Variants in WWC1 observed in about 807,000 individuals in gnomAD.
WWC1 encodes the protein protein KIBRA.
Under a neutral mutation model 138.4 loss-of-function variants are expected in WWC1, and 55 were observed. The observed-to-expected ratio is 0.40, with a 90% confidence interval of 0.32 to 0.50. The LOEUF (loss-of-function observed/expected upper bound fraction) is 0.50. WWC1 is among the 20% of genes least tolerant of loss of function. The pLI is 0.72. For missense variants in WWC1, 1,226 were observed against 1,420.4 expected (o/e 0.86, Z 2.20); for synonymous variants, 524 against 564.9 (o/e 0.93, Z 1.03).
At chr5:168,414,674 G>T in intron 9 of WWC1, 84 bp downstream of exon 9, 1 of 1,458,868 alleles carries the variant, frequency 6.9e-7, no homozygotes, top group South Asian at 1.5e-5. Flanking sequence ...AGAATGAGGG[G>T]GCTCCGGGCC....
intron 1 of WWC1, among the ~76,000 whole-genome samples, chr5:168,337,915 G>C (rs1288020080): frequency 2.0e-5 from 3 of 152,184 alleles, no homozygotes; most frequent in Admixed American, 1.3e-4. Context: ...TAGGGATGAG[G>C]AGAGAAAGAA....
intron 1 of WWC1, among the ~76,000 whole-genome samples, chr5:168,330,524 A>G (rs906503325): frequency 6.6e-6 from 1 of 152,100 alleles, no homozygotes. Flanking sequence ...TGAGGTCACT[A>G]TTGTTACCCC....
rs1209939635 is a variant in WWC1, at chr5:168,292,200, C to T, written c.48C>T (p.Arg16=). 6.4e-7 allele frequency: 1 copy of T among 1,559,508 alleles called. No homozygotes were observed. Among genetic ancestry groups the T allele is most frequent in the Non-Finnish European group, 8.7e-7 (1 of 1,152,220 alleles). ...LPLPEGWEEA[R]DFDGKVYYID... ...TGCCGGAGGGCTGGGAGGAGGCGCG[C>T]GACTTCGACGGCAAGGTCTACTACA... is the stretch of plus-strand genomic sequence containing the variant. Residue 16 remains arginine (R), a synonymous_variant, in exon 1 of 23, where the codon CGC becomes CGT. Coordinates refer to ENST00000265293, the MANE Select transcript of WWC1 (RefSeq NM_015238.3). This position sits in a 1 kb window ranked among gnomAD's most constrained non-coding sequence, Gnocchi z 4.4.
chr5:168,379,552 A>G (rs1356553119), intron 2 of WWC1, among the ~76,000 whole-genome samples: 3 of 152,056 alleles, frequency 2.0e-5, no homozygotes, highest in Admixed American at 2.0e-4. Flanking sequence ...GGCATACACC[A>G]CCACACCCAG....
chr5:168,337,047 A>G (rs958381950), intron 1 of WWC1, among the ~76,000 whole-genome samples: 1 of 152,182 alleles, frequency 6.6e-6, no homozygotes, highest in African/African-American at 2.4e-5. Context: ...GAGCTAAACA[A>G]CCTTCACCTA....
At chr5:168,457,010 C>T (rs1429008592) in intron 19 of WWC1, among the ~76,000 whole-genome samples, 1 of 152,116 alleles carries the variant, frequency 6.6e-6, no homozygotes, top group Non-Finnish European at 1.5e-5. Context: ...ACTTATTAAG[C>T]ATCTGTAACA....
chr5:168,422,674 A>C (rs1394352179), intron 10 of WWC1, among the ~76,000 whole-genome samples: 1 of 152,132 alleles, frequency 6.6e-6, no homozygotes, highest in African/African-American at 2.4e-5. Context: ...CAACACAGAG[A>C]ATGTAGCCTC....
chr5:168,353,595 G>A (rs1021897737), intron 1 of WWC1, among the ~76,000 whole-genome samples: 17 of 152,112 alleles, frequency 1.1e-4, no homozygotes, highest in African/African-American at 2.2e-4. Context: ...TTCACCTGAC[G>A]CCCAGGGAGC....
intron 11 of WWC1, among the ~76,000 whole-genome samples, chr5:168,424,498 A>G (rs1781360600): frequency 6.6e-6 from 1 of 152,228 alleles, no homozygotes; most frequent in African/African-American, 2.4e-5. Flanking sequence ...AACAAGCACT[A>G]CAAAGAAAAT....
chr5:168,360,445 A>T (rs939267795), intron 1 of WWC1, among the ~76,000 whole-genome samples: 1 of 152,196 alleles, frequency 6.6e-6, no homozygotes, highest in African/African-American at 2.4e-5. Flanking sequence ...AAATATTGTT[A>T]GAATAAAGGA....
intron 19 of WWC1, among the ~76,000 whole-genome samples, chr5:168,456,054 C>T (rs557809567): frequency 1.3e-5 from 2 of 152,304 alleles, no homozygotes; most frequent in East Asian, 1.9e-4. Context: ...AAGCCCAACA[C>T]TTCGGGAGGC....
chr5:168,305,359 C>T (rs1247435834), intron 1 of WWC1, among the ~76,000 whole-genome samples: 3 of 152,144 alleles, frequency 2.0e-5, no homozygotes, highest in South Asian at 2.1e-4. Context: ...CATCGCCTCA[C>T]GTCTTCTTGG....
intron 1 of WWC1, among the ~76,000 whole-genome samples, chr5:168,363,584 G>A (rs557602224): frequency 2.4e-4 from 37 of 151,704 alleles, no homozygotes; most frequent in African/African-American, 8.0e-4. Context: ...CAGGAAGGGA[G>A]GTGATAGAAT....
At position 168,291,970 on chromosome 5, in the gene WWC1, G is replaced by A. The variant is rs1769084888; in HGVS notation, c.-183G>A. 28 of 536,800 alleles carry A rather than the reference G, an allele frequency of 5.2e-5. No individual in the cohort carries two copies. The highest frequency in any genetic ancestry group is 7.9e-5 in the Non-Finnish European group (28 of 356,214). 33.3% of individuals were successfully genotyped at this position (536,800 alleles called of 1,614,324 possible). A position where few individuals can be genotyped will look rare whatever the true frequency, so the allele number is the denominator to read the frequency against. On this transcript the variant is annotated 5_prime_UTR_variant, in exon 1 of 23. Coordinates refer to ENST00000265293, the MANE Select transcript of WWC1 (RefSeq NM_015238.3). ...GAGCGGGCGGCGCCGGGTCGGGGCT[G>A]CAGGGCCGCATGGACAGCGGCGCCA...
intron 1 of WWC1, among the ~76,000 whole-genome samples, chr5:168,360,628 A>G (rs1391815629): frequency 1.3e-5 from 2 of 152,196 alleles, no homozygotes; most frequent in Non-Finnish European, 2.9e-5. Context: ...GGAAAGACCA[A>G]GAGAAAGGGT....
intron 2 of WWC1, among the ~76,000 whole-genome samples, chr5:168,379,404 T>C (rs1035641888): frequency 1.3e-5 from 2 of 152,088 alleles, no homozygotes; most frequent in African/African-American, 4.8e-5. Context: ...ACAACTCTTT[T>C]TTTTATTTTT....
chr5:168,455,530 C>A lies in WWC1; in HGVS notation c.2823+10C>A, dbSNP rs575167598. ...CCAGTACGTGTGCCGGGTAAGTGAG[C>A]GTGCGGCCCTCTTCTGCTCCCCTCA... On this transcript the variant is annotated intron_variant, in intron 19 of 22. Coordinates refer to ENST00000265293, the MANE Select transcript of WWC1 (RefSeq NM_015238.3). The A allele has an allele frequency of 2.4e-5, 38 of 1,611,218 alleles. No homozygotes were observed. In the South Asian group the frequency reaches 3.7e-4, roughly 15 times the overall value.
At chr5:168,327,448 C>T (rs1324840945) in intron 1 of WWC1, among the ~76,000 whole-genome samples, 1 of 152,232 alleles carries the variant, frequency 6.6e-6, no homozygotes, top group Non-Finnish European at 1.5e-5. Context: ...CTTAGCTCTT[C>T]GTTGAAACCT....
intron 2 of WWC1, among the ~76,000 whole-genome samples, chr5:168,379,385 G>A (rs1010925971): frequency 6.6e-6 from 1 of 151,980 alleles, no homozygotes; most frequent in African/African-American, 2.4e-5. Flanking sequence ...CAGAACTAAC[G>A]GCATTAACAC....
Sources: allele counts gnomAD v4.1 joint callset (sites outside exome capture counted in the v4.1 genomes callset), GRCh38; gene constraint gnomAD v4.1.1; non-coding constraint Gnocchi (gnomAD v3.1); transcripts MANE v1.5; gene names NCBI Gene and HGNC (gene_info 2026-07-23, HGNC 2026-07-21).